SNX15: variants seen among roughly 807,000 people sequenced by gnomAD.
SNX15 encodes the protein sorting nexin 15, also known as sorting nexin-15.
A neutral mutation model predicts 35.2 loss-of-function variants in SNX15; 29 were observed. That is an observed-to-expected ratio of 0.82 (90% CI 0.61 to 1.12). The LOEUF (loss-of-function observed/expected upper bound fraction) is 1.12. SNX15 is among the 50% of genes most tolerant of loss of function. The pLI is 0.00. For missense variants in SNX15, 400 were observed against 451.5 expected (o/e 0.89, Z 1.03); for synonymous variants, 189 against 188.2 (o/e 1.00, Z -0.03).
At chr11:65,033,924 T>G (rs1409530044) in intron 3 of SNX15, among the ~76,000 whole-genome samples, 1 of 151,766 alleles carries the variant, frequency 6.6e-6, no homozygotes, top group Non-Finnish European at 1.5e-5. Context: ...GCCAGGCTGG[T>G]CTCGAACTCC....
At chr11:65,033,647 G>A (rs537116440) in intron 3 of SNX15, among the ~76,000 whole-genome samples, 1 of 152,028 alleles carries the variant, frequency 6.6e-6, no homozygotes, top group African/African-American at 2.4e-5. Flanking sequence ...ATTAGACAGT[G>A]CTGACCAGTT....
At position 65,040,008 on chromosome 11, in the gene SNX15, T is replaced by C. The variant is rs986060808; in HGVS notation, c.*216T>C. On this transcript the variant is annotated 3_prime_UTR_variant, in exon 8 of 8. Transcript: ENST00000377244. The stretch of plus-strand genomic sequence containing the variant: ...ACACTTCTGACCCTGCCTGTCTTTT[T>C]GGGGTTTTTTTGAGTTGGAGTCTCG... 4 of 480,242 alleles carry C rather than the reference T, an allele frequency of 8.3e-6. No homozygotes were observed. The highest frequency in any genetic ancestry group is 1.5e-5 in the Non-Finnish European group (4 of 264,050). The allele number at this position is 480,242 out of a possible 1,614,324, so 29.7% of individuals were successfully genotyped here. A position where few individuals can be genotyped will look rare whatever the true frequency, so the allele number is the denominator to read the frequency against.
rs1946557977 is a variant in SNX15, at chr11:65,039,753, G to A, written c.990G>A (p.Glu330=). Residue 330 remains glutamate (E), a synonymous_variant, in exon 8 of 8, where the codon GAG becomes GAA. Coordinates refer to ENST00000377244, the MANE Select transcript of SNX15 (RefSeq NM_013306.5). ...CAGCTGAGTACCTGAAGCGGGCAGAGGAGATCCTGCGCCTGCACCTGTCTC... is the reference window on the plus strand; with the variant it reads ...CAGCTGAGTACCTGAAGCGGGCAGAAGAGATCCTGCGCCTGCACCTGTCTC... ...KKAAEYLKRA[E]EILRLHLSQL... 2.5e-6 allele frequency: 4 copies of A among 1,613,600 alleles called. No individual in the cohort carries two copies. The highest frequency in any genetic ancestry group is 3.4e-6 in the Non-Finnish European group (4 of 1,179,826).
intron 3 of SNX15, among the ~76,000 whole-genome samples, chr11:65,033,958 T>C (rs1185923314): frequency 6.6e-6 from 1 of 152,054 alleles, no homozygotes; most frequent in African/African-American, 2.4e-5. Flanking sequence ...TCCACCTGCC[T>C]CGGCCTCCTA....
intron 3 of SNX15, among the ~76,000 whole-genome samples, chr11:65,034,334 C>T (rs1319503360): frequency 1.3e-5 from 2 of 152,058 alleles, no homozygotes; most frequent in Non-Finnish European, 1.5e-5. Context: ...GGCGGGAGGG[C>T]GGCTTGATCC....
At chr11:65,035,007 C>T in intron 4 of SNX15, 45 bp downstream of exon 4, 1 of 1,613,462 alleles carries the variant, frequency 6.2e-7, no homozygotes, top group South Asian at 1.1e-5. Context: ...CACTTACCCA[C>T]CCACCAGATT....
In SNX15 at chr11:65,039,864, C is replaced by A; in HGVS notation, c.*72C>A. ...CCCTTCTCCTCTCCCCAGGGCCTGG[C>A]CCTACCTCCTGGTCTTGTAATTACA... is the stretch of plus-strand genomic sequence containing the variant. On this transcript the variant is annotated 3_prime_UTR_variant, in exon 8 of 8. Coordinates refer to ENST00000377244, the MANE Select transcript of SNX15 (RefSeq NM_013306.5). The A allele has an allele frequency of 2.0e-6, 2 of 1,000,352 alleles. No individual in the cohort carries two copies. The highest frequency in any genetic ancestry group is 1.4e-5 in the South Asian group (1 of 70,824). The allele number at this position is 1,000,352 out of a possible 1,614,324, so 62.0% of individuals were successfully genotyped here.
chr11:65,040,053 G>C lies in SNX15; in HGVS notation c.*261G>C. 2.5e-6 allele frequency: 1 copy of C among 398,664 alleles called. No homozygotes were observed. The highest frequency in any genetic ancestry group is 3.5e-5 in the South Asian group (1 of 28,426). The allele number at this position is 398,664 out of a possible 1,614,324, so 24.7% of individuals were successfully genotyped here. A position where few individuals can be genotyped will look rare whatever the true frequency, so the allele number is the denominator to read the frequency against. ...GTCTCGCTGTGTCGCCCAGACTGGAGTGCAGTGGTGGGATCGCGGCTCACT... is the reference window on the plus strand; with the variant it reads ...GTCTCGCTGTGTCGCCCAGACTGGACTGCAGTGGTGGGATCGCGGCTCACT... On this transcript the variant is annotated 3_prime_UTR_variant, in exon 8 of 8. Coordinates refer to ENST00000377244, the MANE Select transcript of SNX15 (RefSeq NM_013306.5).
chr11:65,035,509 C>T lies in SNX15; in HGVS notation c.521-11C>T. 1 of 1,576,082 alleles carries T rather than the reference C, an allele frequency of 6.3e-7. No individual in the cohort carries two copies. The highest frequency in any genetic ancestry group is 1.7e-4 in the Middle Eastern group (1 of 5,860). On this transcript the variant is annotated splice_polypyrimidine_tract_variant and intron_variant, in intron 5 of 7. Coordinates refer to ENST00000377244, the MANE Select transcript of SNX15 (RefSeq NM_013306.5). ...CGCAGGTATTCATGACCCCACTTAT[C>T]TCTTCCTCAGTGGACCCCCCACCAT...
At chr11:65,039,537 T>C (rs1206052746) in intron 7 of SNX15, 149 bp from the exon 8 acceptor site, 1 of 569,310 alleles carries the variant, frequency 1.8e-6, no homozygotes, top group Non-Finnish European at 3.2e-6. Context: ...TCAGTTTTCT[T>C]ATTTGTAGAC....
chr11:65,032,786 C>T (rs996246615), intron 3 of SNX15, among the ~76,000 whole-genome samples: 10 of 152,144 alleles, frequency 6.6e-5, no homozygotes, highest in South Asian at 2.1e-4. Context: ...GTGTGGCTCA[C>T]GCCTGTAATC....
At chr11:65,038,910 C>T (rs1001143077) in intron 7 of SNX15, 81 bp downstream of exon 7, 1 of 1,246,932 alleles carries the variant, frequency 8.0e-7, no homozygotes, top group African/African-American at 1.5e-5. Flanking sequence ...ACAAGCAAAT[C>T]ACGGATCAGG....
rs760787873 is a variant in SNX15 at position 65,034,837 on chromosome 11, G to T, written c.257-10G>T. 3.7e-6 allele frequency: 6 copies of T among 1,610,876 alleles called. No individual in the cohort carries two copies. The Admixed American group carries it at 1.0e-4, about 27-fold the overall frequency. The stretch of plus-strand genomic sequence containing the variant: ...CCACTCTCCCCTGTTCCTTGTCCTG[G>T]GGGCCGTAGGCCGGTTTGAAGCCTC... On this transcript the variant is annotated splice_polypyrimidine_tract_variant and intron_variant, in intron 3 of 7. Transcript: ENST00000377244.
At position 65,034,861 on chromosome 11, in the gene SNX15, T is replaced by C. The variant is rs2136935070; in HGVS notation, c.271T>C (p.Ser91Pro). 1 of 1,613,920 alleles carries C rather than the reference T, an allele frequency of 6.2e-7. No homozygotes were observed. Among genetic ancestry groups the C allele is most frequent in the Non-Finnish European group, 8.5e-7 (1 of 1,179,900 alleles). Residue 91 changes from serine to proline, a missense_variant, in exon 4 of 8, where the codon TCA becomes CCA. Transcript: ENST00000377244. ...GGGGGCCGTAGGCCGGTTTGAAGCCTCAGTGATCGAGGAGCGGCGAAAGGG... is the reference window on the plus strand; with the variant it reads ...GGGGGCCGTAGGCCGGTTTGAAGCCCCAGTGATCGAGGAGCGGCGAAAGGG... ...RAQVFGRFEA[S>P]VIEERRKGAE...
Position 65,038,839 on chromosome 11 carries a change from G to A in SNX15, c.922+10G>A, listed in dbSNP as rs1244609438. On this transcript the variant is annotated intron_variant, in intron 7 of 7. Coordinates refer to ENST00000377244, the MANE Select transcript of SNX15 (RefSeq NM_013306.5). The stretch of plus-strand genomic sequence containing the variant: ...CTTCAGGGAGTCCCCAGTGAGTAGG[G>A]ACTGAGGGTGGAGGGTCAGGCCTGG... 2.6e-6 allele frequency: 4 copies of A among 1,555,502 alleles called. No homozygotes were observed. Among genetic ancestry groups the A allele is most frequent in the African/African-American group, 1.4e-5 (1 of 73,806 alleles).
intron 3 of SNX15, among the ~76,000 whole-genome samples, chr11:65,034,552 G>C (rs893651759): frequency 6.6e-6 from 1 of 152,206 alleles, no homozygotes; most frequent in East Asian, 1.9e-4. Flanking sequence ...GCTCCCCCTG[G>C]GTAGGATATG....
At chr11:65,030,189 T>C (rs1262807740) in intron 1 of SNX15, among the ~76,000 whole-genome samples, 1 of 151,890 alleles carries the variant, frequency 6.6e-6, no homozygotes, top group African/African-American at 2.4e-5. Context: ...ACCCCGTCTC[T>C]ACTAAAAGTA....
At chr11:65,033,776 C>T (rs146324738) in intron 3 of SNX15, among the ~76,000 whole-genome samples, 14 of 152,042 alleles carry the variant, frequency 9.2e-5, no homozygotes, top group African/African-American at 2.7e-4. Flanking sequence ...GATATCAGCT[C>T]ACTGCAAACT....
chr11:65,029,096 T>TATAAATAAATAAATAAATAA (rs113466481), intron 1 of SNX15, among the ~76,000 whole-genome samples: 229 of 148,444 alleles, frequency 1.5e-3, no homozygotes, highest in South Asian at 4.9e-3. Context: ...GTCTCAAAAA[T>TATAAATAAATAAATAAATAA]ATAAATAAAT....
Sources: allele counts gnomAD v4.1 joint callset (sites outside exome capture counted in the v4.1 genomes callset), GRCh38; gene constraint gnomAD v4.1.1; transcripts MANE v1.5; gene names NCBI Gene and HGNC (gene_info 2026-07-23, HGNC 2026-07-21).